DGKB: variants seen among roughly 807,000 people sequenced by gnomAD.
DGKB encodes 90 kDa diacylglycerol kinase.
DGKB carries 67 observed loss-of-function variants against 114.3 expected under a neutral mutation model. The ratio of observed to expected loss-of-function variants is 0.59; its 90% CI spans 0.48 to 0.72. The LOEUF (loss-of-function observed/expected upper bound fraction) is 0.72. DGKB is among the 30% of genes least tolerant of loss of function. DGKB has a pLI of 0.00. For synonymous variants in DGKB, 398 were observed against 323.1 expected, an observed-to-expected ratio of 1.23 and a Z score of -2.49; for missense variants, 907 against 975.2, an observed-to-expected ratio of 0.93 and a Z score of 0.93.
At chr7:14,570,141 A>G (rs942788954) in intron 20 of DGKB, among the ~76,000 whole-genome samples, 1 of 151,066 alleles carries the variant, frequency 6.6e-6, no homozygotes, top group African/African-American at 2.4e-5. Flanking sequence ...ACTTTTTTAA[A>G]TTTTTTGTTT....
intron 21 of DGKB, among the ~76,000 whole-genome samples, chr7:14,420,335 T>C (rs181774335): frequency 9.9e-5 from 15 of 152,150 alleles, no homozygotes; most frequent in Admixed American, 3.3e-4. Context: ...TCTTGTCTCA[T>C]TGATCCTTAG....
intron 17 of DGKB, among the ~76,000 whole-genome samples, chr7:14,585,471 T>C (rs190552673): frequency 1.5e-4 from 23 of 152,340 alleles, no homozygotes; most frequent in African/African-American, 4.1e-4. Context: ...GATTCATTCA[T>C]GTTGTAGCTG....
intron 1 of DGKB, among the ~76,000 whole-genome samples, chr7:14,925,872 C>CA: frequency 6.8e-6 from 1 of 146,544 alleles, no homozygotes; most frequent in East Asian, 1.9e-4. Context: ...GGGTCCCCCC[C>CA]CCACTTCCAG....
chr7:14,643,199 A>T (rs1056624437), intron 13 of DGKB, among the ~76,000 whole-genome samples: 1 of 151,920 alleles, frequency 6.6e-6, no homozygotes, highest in Non-Finnish European at 1.5e-5. Flanking sequence ...GGCAGGAGAG[A>T]CTCTCCATTG....
At chr7:14,348,464 A>G (rs552335344) in intron 21 of DGKB, among the ~76,000 whole-genome samples, 2 of 152,146 alleles carry the variant, frequency 1.3e-5, no homozygotes, top group South Asian at 4.1e-4. Context: ...AAAGACATAA[A>G]CAGACATTTC....
chr7:14,829,744 G>T (rs1473510023), intron 2 of DGKB, among the ~76,000 whole-genome samples: 3 of 152,062 alleles, frequency 2.0e-5, no homozygotes, highest in Non-Finnish European at 2.9e-5. Flanking sequence ...TATGATTATG[G>T]CAGCCAATAG....
chr7:14,504,875 G>A (rs971694787), intron 20 of DGKB, among the ~76,000 whole-genome samples: 1 of 151,982 alleles, frequency 6.6e-6, no homozygotes, highest in Non-Finnish European at 1.5e-5. Context: ...TTTTAACCAA[G>A]CAAATTGGAT....
chr7:14,914,557 C>T (rs1784144854), intron 1 of DGKB, among the ~76,000 whole-genome samples: 1 of 152,026 alleles, frequency 6.6e-6, no homozygotes. Flanking sequence ...ACCAAAGGCT[C>T]AGTTACCTCA....
intron 23 of DGKB, among the ~76,000 whole-genome samples, chr7:14,188,063 T>C (rs1348296352): frequency 4.0e-5 from 6 of 151,278 alleles, no homozygotes; most frequent in Admixed American, 3.3e-4. Flanking sequence ...ATGAAAAAAA[T>C]ACATAACTGA....
chr7:14,254,097 A>C (rs62445618), intron 23 of DGKB, among the ~76,000 whole-genome samples: 17,868 of 152,210 alleles, frequency 0.12, 1,423 homozygotes, highest in Non-Finnish European at 0.17. Flanking sequence ...AAGAAGAAGT[A>C]GGAGGGGACT....
At chr7:14,302,564 G>A (rs1803743465) in intron 23 of DGKB, among the ~76,000 whole-genome samples, 1 of 151,978 alleles carries the variant, frequency 6.6e-6, no homozygotes, top group African/African-American at 2.4e-5. Context: ...CCTTGCTCTT[G>A]TTCAAAAGGA....
At chr7:14,925,860 T>C (rs555877195) in intron 1 of DGKB, among the ~76,000 whole-genome samples, 145 of 138,234 alleles carry the variant, frequency 1.0e-3, no homozygotes, top group Middle Eastern at 3.7e-3. Flanking sequence ...ATAGGAATAA[T>C]TGGGTCCCCC....
intron 13 of DGKB, among the ~76,000 whole-genome samples, chr7:14,652,426 C>G (rs906343201): frequency 6.6e-6 from 1 of 151,580 alleles, no homozygotes; most frequent in Non-Finnish European, 1.5e-5. Flanking sequence ...ATAAATGGTG[C>G]TGGGAAAACT....
intron 13 of DGKB, among the ~76,000 whole-genome samples, chr7:14,648,164 G>A (rs1444146692): frequency 1.3e-5 from 2 of 152,246 alleles, no homozygotes; most frequent in Non-Finnish European, 2.9e-5. Context: ...AGGCCTGCCT[G>A]CCTCTGTAGG....
At chr7:14,314,794 ACTC>A (rs2128515638) in intron 23 of DGKB, among the ~76,000 whole-genome samples, 1 of 151,314 alleles carries the variant, frequency 6.6e-6, no homozygotes, top group South Asian at 2.1e-4. Context: ...CCACAAAGAT[ACTC>A]CTCGAGAAGA....
intron 20 of DGKB, among the ~76,000 whole-genome samples, chr7:14,552,109 T>TAATA (rs1795186934): frequency 6.6e-6 from 1 of 152,120 alleles, no homozygotes; most frequent in South Asian, 2.1e-4. Context: ...GTTTAAAAGG[T>TAATA]AATAAACAAT....
At chr7:14,203,037 C>T (rs11971288) in intron 23 of DGKB, among the ~76,000 whole-genome samples, 4,321 of 151,104 alleles carry the variant, frequency 0.029, 190 homozygotes, top group African/African-American at 0.099. Context: ...AATGAATGCT[C>T]GTCTACAATT....
chr7:14,918,529 G>C (rs1784350472), intron 1 of DGKB, among the ~76,000 whole-genome samples: 1 of 152,050 alleles, frequency 6.6e-6, no homozygotes, highest in South Asian at 2.1e-4. Flanking sequence ...AAATAGTAAA[G>C]TCAAATTCTT....
At chr7:14,952,417 G>A (rs1048421064) in intron 1 of DGKB, among the ~76,000 whole-genome samples, 2 of 151,954 alleles carry the variant, frequency 1.3e-5, no homozygotes, top group Non-Finnish European at 2.9e-5. Context: ...TTCCCAAATT[G>A]ATCTACAGAA....
Sources: allele counts gnomAD v4.1 joint callset (sites outside exome capture counted in the v4.1 genomes callset), GRCh38; gene constraint gnomAD v4.1.1; transcripts MANE v1.5; gene names NCBI Gene and HGNC (gene_info 2026-07-23, HGNC 2026-07-21).